The following ZBTB5 variants were observed in gnomAD, a reference collection of about 807,000 sequenced individuals.
ZBTB5 encodes the protein zinc finger and BTB domain containing 5, also known as zinc finger and BTB domain-containing protein 5.
A neutral mutation model predicts 37.9 loss-of-function variants in ZBTB5; 15 were observed. The ratio of observed to expected loss-of-function variants is 0.40; its 90% confidence interval spans 0.26 to 0.61. The LOEUF is 0.61. Among genes scored for constraint, ZBTB5 ranks in the 20% least tolerant of loss-of-function variants. The pLI, the probability that ZBTB5 is intolerant of heterozygous loss-of-function variation, is 0.47. For synonymous variants in ZBTB5, 315 were observed against 312.4 expected, an observed-to-expected ratio of 1.01 and a Z score of -0.09; for missense variants, 708 against 856.8, an observed-to-expected ratio of 0.83 and a Z score of 2.17.
chr9:37,447,486 CAG>C (rs1328512506), intron 1 of ZBTB5, among the ~76,000 whole-genome samples: 1 of 151,880 alleles, frequency 6.6e-6, no homozygotes, highest in Non-Finnish European at 1.5e-5. Flanking sequence ...TTTTTTGAGA[CAG>C]GGTTTCACCC....
intron 1 of ZBTB5, among the ~76,000 whole-genome samples, chr9:37,453,599 T>A (rs908563338): frequency 1.3e-5 from 2 of 152,170 alleles, no homozygotes; most frequent in African/African-American, 4.8e-5. Context: ...CTCTATGTCA[T>A]TGGAGAAAAT....
intron 1 of ZBTB5, among the ~76,000 whole-genome samples, chr9:37,452,798 G>C (rs1824126208): frequency 6.6e-6 from 1 of 152,116 alleles, no homozygotes; most frequent in African/African-American, 2.4e-5. Context: ...AGCCTCCCTA[G>C]GGCAATGTAA....
intron 1 of ZBTB5, among the ~76,000 whole-genome samples, chr9:37,456,585 T>C (rs958596768): frequency 3.9e-5 from 6 of 152,206 alleles, no homozygotes; most frequent in African/African-American, 1.2e-4. Context: ...TCTCTCCACA[T>C]TGCCACCTTG....
chr9:37,455,113 C>A (rs936123907), intron 1 of ZBTB5, among the ~76,000 whole-genome samples: 1 of 152,198 alleles, frequency 6.6e-6, no homozygotes, highest in Admixed American at 6.5e-5. Context: ...GCCTGCCACA[C>A]CATGCTATCC....
At chr9:37,456,957 G>A (rs559680958) in intron 1 of ZBTB5, among the ~76,000 whole-genome samples, 2 of 152,178 alleles carry the variant, frequency 1.3e-5, no homozygotes, top group Non-Finnish European at 2.9e-5. Flanking sequence ...TTTCTCATAG[G>A]AAAGTCCCTT....
chr9:37,441,112 C>T lies in ZBTB5; in HGVS notation c.1440G>A (p.Arg480=), dbSNP rs1823863755. 1 of 1,614,036 alleles carries T rather than the reference C, an allele frequency of 6.2e-7. No homozygotes were observed. The highest frequency in any genetic ancestry group is 2.2e-5 in the East Asian group (1 of 44,846). Residue 480 remains arginine (R), a synonymous_variant, in exon 2 of 2, where the codon AGG becomes AGA. Transcript: ENST00000307750. The stretch of plus-strand genomic sequence containing the variant: ...GCAGGCCCATCACCTCCTGCATAGG[C>T]CTGACGAAGTGGGAGTCTGCAGGTT... The part of the protein sequence containing the change: ...FSEPADSHFV[R]PMQEVMGLPC...
intron 1 of ZBTB5, among the ~76,000 whole-genome samples, chr9:37,443,102 C>T (rs1375489072): frequency 6.6e-6 from 1 of 152,112 alleles, no homozygotes; most frequent in African/African-American, 2.4e-5. Context: ...GTAATCCCAG[C>T]ACTTTGGGAG....
chr9:37,454,861 A>G (rs913420777), intron 1 of ZBTB5, among the ~76,000 whole-genome samples: 8 of 152,266 alleles, frequency 5.3e-5, no homozygotes, highest in African/African-American at 1.9e-4. Flanking sequence ...ACCTGCAGAA[A>G]GCAAATTAAC....
chr9:37,448,000 T>C (rs1396895186), intron 1 of ZBTB5, among the ~76,000 whole-genome samples: 2 of 152,046 alleles, frequency 1.3e-5, no homozygotes, highest in Non-Finnish European at 2.9e-5. Context: ...CTAAAATAAA[T>C]AAATAAACAA....
chr9:37,446,619 C>T (rs1023037836), intron 1 of ZBTB5, among the ~76,000 whole-genome samples: 1 of 152,232 alleles, frequency 6.6e-6, no homozygotes, highest in African/African-American at 2.4e-5. Flanking sequence ...GATGCAGCCA[C>T]TGCCACATCC....
chr9:37,463,379 C>T (rs571848017), intron 1 of ZBTB5, among the ~76,000 whole-genome samples: 1 of 152,124 alleles, frequency 6.6e-6, no homozygotes, highest in East Asian at 1.9e-4. Flanking sequence ...ACGCTTAAAA[C>T]TGACAGAGGG....
chr9:37,459,691 G>A (rs1440624110), intron 1 of ZBTB5, among the ~76,000 whole-genome samples: 6 of 145,190 alleles, frequency 4.1e-5, no homozygotes, highest in African/African-American at 1.0e-4. Context: ...GATTACAGGC[G>A]TGCACCACCA....
intron 1 of ZBTB5, among the ~76,000 whole-genome samples, chr9:37,451,574 A>AAAAAAAAAAAAAAAAAC (rs1824104912): frequency 6.6e-6 from 1 of 151,846 alleles, no homozygotes; most frequent in African/African-American, 2.4e-5. Context: ...AAAAAAAAAA[A>AAAAAAAAAAAAAAAAAC]AAAGACAGAC....
At position 37,441,423 on chromosome 9, in the gene ZBTB5, G is replaced by A. The variant is rs763671777; in HGVS notation, c.1129C>T (p.Arg377Trp). The change falls in exon 2 of 2, where the codon CGG becomes TGG. Residue 377 changes from arginine to tryptophan, a missense_variant. Transcript: ENST00000307750. ...KIDLSPESSDRSFSDPQSSTD... is the reference protein window; with the variant it reads ...KIDLSPESSDWSFSDPQSSTD... ...CTAGACTGGGGATCTGAAAAACTCC[G>A]ATCACTGCTTTCAGGGCTGAGGTCT... 1.2e-6 allele frequency: 2 copies of A among 1,613,578 alleles called. No homozygotes were observed. Among genetic ancestry groups the A allele is most frequent in the Non-Finnish European group, 1.7e-6 (2 of 1,179,954 alleles).
In ZBTB5 at chr9:37,441,591, C is replaced by T; in HGVS notation, c.961G>A (p.Glu321Lys). ...ACCACCACTCTCATGTGCTCCTTCT[C>T]ACCAAGGCCAACCTCAGGGTTTTCA... ...QCENPEVGLG[E>K]KEHMRVVVKS... Residue 321 changes from glutamate (E) to lysine (K), a missense_variant, in exon 2 of 2, where the codon GAG becomes AAG. By Grantham distance (56) the Glu-to-Lys change is moderately conservative. Around this residue, in one of 3 missense-constraint regions of ZBTB5, gnomAD observed 639 missense variants for 690.5 expected, o/e 0.93. Coordinates refer to ENST00000307750, the MANE Select transcript of ZBTB5 (RefSeq NM_014872.3). The T allele has an allele frequency of 6.2e-7, 1 of 1,613,106 alleles. No homozygotes were observed. Among genetic ancestry groups the T allele is most frequent in the Non-Finnish European group, 8.5e-7 (1 of 1,179,932 alleles).
chr9:37,444,238 C>A (rs1472301154), intron 1 of ZBTB5, among the ~76,000 whole-genome samples: 1 of 152,064 alleles, frequency 6.6e-6, no homozygotes, highest in Non-Finnish European at 1.5e-5. Context: ...CGCTCTGTTC[C>A]CCCAGGCTGG....
chr9:37,447,952 T>A (rs1161797565), intron 1 of ZBTB5, among the ~76,000 whole-genome samples: 2 of 151,870 alleles, frequency 1.3e-5, no homozygotes, highest in Admixed American at 6.6e-5. Flanking sequence ...AGCCTAGGAG[T>A]TGGAGAACAG....
At chr9:37,452,121 G>C (rs1346073700) in intron 1 of ZBTB5, among the ~76,000 whole-genome samples, 1 of 152,148 alleles carries the variant, frequency 6.6e-6, no homozygotes, top group African/African-American at 2.4e-5. Context: ...CCTTCTCAAG[G>C]CTAGTTTGGC....
chr9:37,454,595 T>C (rs761579773), intron 1 of ZBTB5, among the ~76,000 whole-genome samples: 2 of 152,264 alleles, frequency 1.3e-5, no homozygotes, highest in Non-Finnish European at 2.9e-5. Flanking sequence ...TACATTAACA[T>C]GAATAATCAA....
Sources: allele counts gnomAD v4.1 joint callset (sites outside exome capture counted in the v4.1 genomes callset), GRCh38; gene constraint gnomAD v4.1.1; regional missense constraint gnomAD v4.1.1; transcripts MANE v1.5; gene names NCBI Gene and HGNC (gene_info 2026-07-23, HGNC 2026-07-21).